Variants in POLR3A observed in about 807,000 individuals in gnomAD.
POLR3A encodes the protein RNA polymerase III subunit A.
POLR3A carries 112 observed loss-of-function variants against 152.8 expected under a neutral mutation model. The observed-to-expected ratio is 0.73, with a 90% CI of 0.63 to 0.86. The LOEUF is 0.86. POLR3A is among the 40% of genes least tolerant of loss of function. The probability of loss-of-function intolerance (pLI) is 0.00; values close to 1 mark genes in which losing one functional copy is unlikely to be tolerated. For synonymous variants in POLR3A, 615 were observed against 652.1 expected, an observed-to-expected ratio of 0.94 and a Z score of 0.87; for missense variants, 1,385 against 1,743.1, an observed-to-expected ratio of 0.79 and a Z score of 3.66.
In POLR3A at chr10:77,993,435, T is replaced by C. The variant is rs1331384891; in HGVS notation, c.2617-68A>G. 8 of 1,216,120 alleles carry C rather than the reference T, an allele frequency of 6.6e-6. No homozygotes were observed. In the Admixed American group the frequency reaches 6.8e-5, roughly 10 times the overall value. 75.3% of individuals were successfully genotyped at this position (1,216,120 alleles called of 1,614,324 possible). Reference sequence around the variant, plus strand: ...TAGTCACATGGGGAGAGGATAAGATTTGCAACTCAAGAGTCTCAAGGTTAC... The same window carrying C: ...TAGTCACATGGGGAGAGGATAAGATCTGCAACTCAAGAGTCTCAAGGTTAC... On this transcript the variant is annotated intron_variant, in intron 19 of 30. Coordinates refer to ENST00000372371, the MANE Select transcript of POLR3A (RefSeq NM_007055.4).
intron 8 of POLR3A, among the ~76,000 whole-genome samples, chr10:78,020,670 C>T (rs1164050339): frequency 2.6e-5 from 4 of 152,060 alleles, no homozygotes; most frequent in African/African-American, 9.7e-5. Flanking sequence ...CGCCTGTAGT[C>T]CCAGCTACTC....
chr10:78,019,436 C>G, intron 8 of POLR3A, 171 bp from the exon 9 acceptor site: 1 of 619,990 alleles, frequency 1.6e-6, no homozygotes, highest in Non-Finnish European at 2.9e-6. Flanking sequence ...AACAGACTGG[C>G]AAACAAGCTT....
chr10:78,016,293 G>A (rs764342340), intron 10 of POLR3A, among the ~76,000 whole-genome samples: 13 of 151,878 alleles, frequency 8.6e-5, no homozygotes, highest in Non-Finnish European at 1.8e-4. Flanking sequence ...TTCTGGCTAG[G>A]CACAGTGGGT....
chr10:77,991,170 T>C lies in POLR3A; in HGVS notation c.2788-3A>G, dbSNP rs1260084331. On this transcript the variant is annotated splice_polypyrimidine_tract_variant and splice_region_variant and intron_variant, in intron 20 of 30. Transcript: ENST00000372371. ...TCACTGGGACACGGGAAGACTGCCT[T>C]GAGTATTAAAAGAAAATTGCATTAT... 6.3e-7 allele frequency: 1 copy of C among 1,587,722 alleles called. No homozygotes were observed. The highest frequency in any genetic ancestry group is 8.7e-7 in the Non-Finnish European group (1 of 1,155,932).
chr10:78,023,724 G>T (rs1271717805), intron 5 of POLR3A, among the ~76,000 whole-genome samples: 1 of 151,754 alleles, frequency 6.6e-6, no homozygotes. Context: ...GCTGCAATGA[G>T]CCTCGATCAT....
Position 77,984,006 on chromosome 10 carries a change from C to T in POLR3A, c.3343G>A (p.Glu1115Lys), listed in dbSNP as rs770305694. The T allele has an allele frequency of 1.5e-5, 24 of 1,604,486 alleles. No homozygotes were observed. Among genetic ancestry groups the T allele is most frequent in the African/African-American group, 2.7e-5 (2 of 74,738 alleles). The change falls in exon 26 of 31, where the codon GAG (glutamate) becomes AAG (lysine). Residue 1115 changes from glutamate to lysine, a missense_variant. Physicochemically the swap from Glu to Lys is moderately conservative, Grantham distance 56. Transcript: ENST00000372371. ...GGAAGAAACACTTCTTCAATATACTCGGAAATCTGGAGTGTCAAAAGATCA... is the reference window on the plus strand; with the variant it reads ...GGAAGAAACACTTCTTCAATATACTTGGAAATCTGGAGTGTCAAAAGATCA... The part of the protein sequence containing the change: ...IEKTLLGEIS[E>K]YIEEVFLPDD...
At chr10:77,981,660 T>G in intron 28 of POLR3A, 101 bp from the exon 29 acceptor site, 1 of 1,424,752 alleles carries the variant, frequency 7.0e-7, no homozygotes, top group Non-Finnish European at 9.9e-7. Context: ...GCAAACCCTG[T>G]GCCGTTTTCC....
intron 11 of POLR3A, 63 bp from the exon 12 acceptor site, chr10:78,010,603 G>T: frequency 8.6e-7 from 1 of 1,160,318 alleles, no homozygotes; most frequent in Non-Finnish European, 1.3e-6. Flanking sequence ...CCCAAAGCCT[G>T]AATCACAAGG....
Position 78,000,134 on chromosome 10 carries a change from A to G in POLR3A, c.2479-16T>C. On this transcript the variant is annotated splice_polypyrimidine_tract_variant and intron_variant, in intron 18 of 30. Coordinates refer to ENST00000372371, the MANE Select transcript of POLR3A (RefSeq NM_007055.4). ...CAGCTGGGAGCTAAAGAGAGGTAGA[A>G]AAAAGAAAAATCAAACAAAAAAAGT... is the stretch of plus-strand genomic sequence containing the variant. 1 of 1,613,880 alleles carries G rather than the reference A, an allele frequency of 6.2e-7. No individual in the cohort carries two copies. Among genetic ancestry groups the G allele is most frequent in the Non-Finnish European group, 8.5e-7 (1 of 1,179,806 alleles).
intron 21 of POLR3A, among the ~76,000 whole-genome samples, chr10:77,990,211 A>T (rs1159973025): frequency 6.6e-6 from 1 of 152,198 alleles, no homozygotes; most frequent in Admixed American, 6.5e-5. Context: ...ACCATAAAAA[A>T]AAAACAAAAA....
chr10:77,982,596 T>G, intron 27 of POLR3A, 57 bp downstream of exon 27: 2 of 1,514,900 alleles, frequency 1.3e-6, no homozygotes, highest in Non-Finnish European at 1.8e-6. Flanking sequence ...GTCCCAGCCC[T>G]GGGTGTCACA....
chr10:78,023,040 C>T (rs1847595258), intron 5 of POLR3A, among the ~76,000 whole-genome samples: 1 of 152,004 alleles, frequency 6.6e-6, no homozygotes, highest in Admixed American at 6.6e-5. Context: ...CGCCTGTAAT[C>T]CCAGATACTT....
At chr10:78,017,250 C>A (rs1031518925) in intron 10 of POLR3A, among the ~76,000 whole-genome samples, 5 of 151,824 alleles carry the variant, frequency 3.3e-5, no homozygotes, top group Admixed American at 6.6e-5. Flanking sequence ...TATAGTGAGA[C>A]CCCCGTCTCA....
At chr10:78,017,800 T>G (rs1204600564) in intron 9 of POLR3A, 84 bp from the exon 10 acceptor site, 1 of 1,397,642 alleles carries the variant, frequency 7.2e-7, no homozygotes, top group Non-Finnish European at 1.0e-6. Context: ...ATTCAATCTT[T>G]AATATATTAT....
chr10:78,018,263 G>A (rs1437550959), intron 9 of POLR3A, among the ~76,000 whole-genome samples: 1 of 151,838 alleles, frequency 6.6e-6, no homozygotes, highest in African/African-American at 2.4e-5. Flanking sequence ...CACTTTGGGA[G>A]GCTGAGGCAG....
chr10:77,993,357 A>G lies in POLR3A; in HGVS notation c.2627T>C (p.Val876Ala). The G allele has an allele frequency of 6.2e-7, 1 of 1,613,660 alleles. No individual in the cohort carries two copies. Among genetic ancestry groups the G allele is most frequent in the Non-Finnish European group, 8.5e-7 (1 of 1,179,564 alleles). The change falls in exon 20 of 31, where the codon GTC (valine) becomes GCC (alanine). Residue 876 changes from valine to alanine, a missense_variant. Transcript: ENST00000372371. Reference sequence around the variant, plus strand: ...GGAGCAAAGATCTTCAAGAGATTTGACAAGCCTTCGCTAAAGGAAAAGGAG... The same window carrying G: ...GGAGCAAAGATCTTCAAGAGATTTGGCAAGCCTTCGCTAAAGGAAAAGGAG... Reference protein sequence around the residue: ...AETGYMQRRLVKSLEDLCSQY... With the variant: ...AETGYMQRRLAKSLEDLCSQY...
At position 77,984,046 on chromosome 10, in the gene POLR3A, C is replaced by T. The variant is rs752196385; in HGVS notation, c.3337-34G>A. On this transcript the variant is annotated intron_variant, in intron 25 of 30. Transcript: ENST00000372371. ...TCAAAAGATCAGACTGTTAATCAGC[C>T]GCTTTCCCCTTTCCTAAGAGCACAC... 1.5e-5 allele frequency: 22 copies of T among 1,478,270 alleles called. No homozygotes were observed. In the African/African-American group the frequency reaches 1.5e-4, roughly 10 times the overall value. 91.6% of individuals were successfully genotyped at this position (1,478,270 alleles called of 1,614,324 possible). A position where few individuals can be genotyped will look rare whatever the true frequency, so the allele number is the denominator to read the frequency against.
Position 77,991,140 on chromosome 10 carries a change from C to T in POLR3A, c.2815G>A (p.Ala939Thr). 2 of 1,612,828 alleles carry T rather than the reference C, an allele frequency of 1.2e-6. No individual in the cohort carries two copies. Among genetic ancestry groups the T allele is most frequent in the Non-Finnish European group, 1.7e-6 (2 of 1,178,852 alleles). Reference protein sequence around the residue: ...KAVFPCPSEPALSKNELILTT... With the variant: ...KAVFPCPSEPTLSKNELILTT... ...AGGATCAGCTCGTTTTTGCTGAGAG[C>T]AGGCTCACTGGGACACGGGAAGACT... Residue 939 changes from alanine (A) to threonine (T), a missense_variant, in exon 21 of 31, where the codon GCT becomes ACT. Ala to Thr is a moderately conservative substitution (Grantham distance 58). Transcript: ENST00000372371.
rs905774227 is a variant in POLR3A at position 77,985,347 on chromosome 10, G to A, written c.3072-7C>T. On this transcript the variant is annotated splice_region_variant and splice_polypyrimidine_tract_variant and intron_variant, in intron 23 of 30. Coordinates refer to ENST00000372371, the MANE Select transcript of POLR3A (RefSeq NM_007055.4). ...ACCTGGCTCCATCTGTGCCCTAGAA[G>A]GCAAAGGTATGGATGAGATTGCAGC... 6.2e-7 allele frequency: 1 copy of A among 1,613,032 alleles called. No homozygotes were observed. The highest frequency in any genetic ancestry group is 8.5e-7 in the Non-Finnish European group (1 of 1,179,172).
Sources: gnomAD v4.1 joint callset for allele counts (sites outside exome capture counted in the v4.1 genomes callset) on GRCh38, gnomAD v4.1.1 for gene constraint, MANE v1.5 for transcripts, NCBI Gene and HGNC (gene_info 2026-07-23, HGNC 2026-07-21) for gene names.